The following SMCO4 variants were observed in gnomAD, a reference collection of about 807,000 sequenced individuals.
SMCO4 encodes single-pass membrane and coiled-coil domain-containing protein 4.
A neutral mutation model predicts 3.6 loss-of-function variants in SMCO4; 4 were observed. That is an observed-to-expected ratio of 1.11 (90% CI 0.54 to 2.53). The LOEUF (loss-of-function observed/expected upper bound fraction) is 2.53, where lower values mean the gene tolerates loss of function less well. SMCO4 is among the 30% of genes most tolerant of loss of function. The pLI is 0.02. For synonymous variants in SMCO4, 36 were observed against 35.3 expected (o/e 1.02, Z -0.07); for missense variants, 70 against 80.8 (o/e 0.87, Z 0.51).
intron 1 of SMCO4, among the ~76,000 whole-genome samples, chr11:93,511,327 G>T (rs1381262850): frequency 6.6e-6 from 1 of 152,092 alleles, no homozygotes; most frequent in Non-Finnish European, 1.5e-5. Context: ...GCCAGACGCT[G>T]CCCTAGGGAC....
the SMCO4 span, among the ~76,000 whole-genome samples, chr11:93,552,442 G>GTTGTTATTATTATTA: frequency 1.5e-5 from 2 of 130,246 alleles, no homozygotes; most frequent in African/African-American, 5.8e-5. Context: ...GCCCAGCCAC[G>GTTGTTATTATTATTA]TTATTATTAT....
chr11:93,544,479 A>C (rs1433522370), upstream of SMCO4, among the ~76,000 whole-genome samples: 1 of 151,942 alleles, frequency 6.6e-6, no homozygotes, highest in Non-Finnish European at 1.5e-5. Context: ...TGTGGAACCC[A>C]CTCTTCTGCA....
intron 1 of SMCO4, among the ~76,000 whole-genome samples, chr11:93,540,227 A>T (rs1949260995): frequency 6.6e-6 from 1 of 152,182 alleles, no homozygotes. Context: ...ACTCAATCCC[A>T]TTGACCCAAG....
chr11:93,494,473 C>T (rs146776257), intron 2 of SMCO4, among the ~76,000 whole-genome samples: 10 of 152,288 alleles, frequency 6.6e-5, no homozygotes, highest in African/African-American at 1.7e-4. Flanking sequence ...ACCTCACTGA[C>T]GTTGCACTGT....
chr11:93,479,004 C>A lies in SMCO4; in HGVS notation c.*6G>T. ...TGCCGATGGGGTCCGCAGCCGGCTG[C>A]GGGGCTCACTCGGTGATGGTGGGGC... is the stretch of plus-strand genomic sequence containing the variant. On this transcript the variant is annotated 3_prime_UTR_variant, in exon 3 of 3. Transcript: ENST00000298966. The A allele has an allele frequency of 1.3e-6, 2 of 1,599,560 alleles. No homozygotes were observed. The highest frequency in any genetic ancestry group is 1.3e-5 in the African/African-American group (1 of 74,874).
the SMCO4 span, among the ~76,000 whole-genome samples, chr11:93,552,899 GC>G: frequency 6.6e-6 from 1 of 152,026 alleles, no homozygotes; most frequent in East Asian, 1.9e-4. Context: ...ATTATATACA[GC>G]CTGCTGGGTT....
At chr11:93,544,533 GT>G, upstream of SMCO4, among the ~76,000 whole-genome samples, 1 of 152,266 alleles carries the variant, frequency 6.6e-6, no homozygotes, top group Non-Finnish European at 1.5e-5. Context: ...TAATTAACAA[GT>G]TTTTATTTTA....
At chr11:93,499,985 T>C (rs901764965) in intron 1 of SMCO4, among the ~76,000 whole-genome samples, 8 of 152,316 alleles carry the variant, frequency 5.3e-5, no homozygotes, top group Admixed American at 1.3e-4. Context: ...AAGGAGCTTT[T>C]AGTATGGGTA....
Position 93,514,393 on chromosome 11 carries a change from T to C in SMCO4, c.-153-15045A>G, listed in dbSNP as rs1255292440. ...ATGAGGCTATATATATATATATATA[T>C]ATATATATATATATATATATATATA... On this transcript the variant is annotated intron_variant, in intron 1 of 2. Coordinates refer to ENST00000298966, the MANE Select transcript of SMCO4 (RefSeq NM_020179.3). Among the ~76,000 whole-genome samples, 6 of 35,146 alleles carry C rather than the reference T, an allele frequency of 1.7e-4. 1 individual carries two copies. The highest frequency in any genetic ancestry group is 2.8e-4 in the Non-Finnish European group (5 of 17,662). The allele number at this position is 35,146 out of a possible 152,430, so 23.1% of individuals were successfully genotyped here.
intron 1 of SMCO4, among the ~76,000 whole-genome samples, chr11:93,535,206 T>C (rs1019384564): frequency 2.0e-5 from 3 of 152,154 alleles, no homozygotes; most frequent in African/African-American, 7.2e-5. Context: ...CCTATTACCA[T>C]AACTAGCATC....
chr11:93,513,719 G>T (rs895398674), intron 1 of SMCO4, among the ~76,000 whole-genome samples: 1 of 152,156 alleles, frequency 6.6e-6, no homozygotes, highest in Non-Finnish European at 1.5e-5. Flanking sequence ...GTGACAAAAG[G>T]AATCTTCACT....
chr11:93,485,400 C>T (rs982223262), intron 2 of SMCO4, among the ~76,000 whole-genome samples: 3 of 152,260 alleles, frequency 2.0e-5, no homozygotes, highest in Admixed American at 6.5e-5. Flanking sequence ...GCTGATGGAA[C>T]ATCTATGCTG....
intron 1 of SMCO4, among the ~76,000 whole-genome samples, chr11:93,516,755 A>G (rs781137869): frequency 6.6e-6 from 1 of 151,988 alleles, no homozygotes; most frequent in Non-Finnish European, 1.5e-5. Context: ...GTGCCATTGC[A>G]CTCCAGCCTG....
At chr11:93,522,097 A>G (rs868784301) in intron 1 of SMCO4, among the ~76,000 whole-genome samples, 13 of 58,260 alleles carry the variant, frequency 2.2e-4, no homozygotes, top group Non-Finnish European at 2.8e-4. Flanking sequence ...AAACTTTAAA[A>G]CAAAACAAAA....
At chr11:93,550,825 C>T in the SMCO4 span, among the ~76,000 whole-genome samples, 1 of 152,202 alleles carries the variant, frequency 6.6e-6, no homozygotes, top group East Asian at 1.9e-4. Context: ...TTTTTAAATC[C>T]CAAAGTAAAA....
chr11:93,529,370 G>A (rs940954693), intron 1 of SMCO4, among the ~76,000 whole-genome samples: 4 of 152,276 alleles, frequency 2.6e-5, no homozygotes, highest in South Asian at 4.1e-4. Context: ...GAAACACTAC[G>A]GAAGAGCAGC....
At chr11:93,500,212 T>TA (rs1342890838) in intron 1 of SMCO4, among the ~76,000 whole-genome samples, 2 of 152,248 alleles carry the variant, frequency 1.3e-5, no homozygotes, top group African/African-American at 4.8e-5. Context: ...AGTGCTGAGT[T>TA]CAGCTGGGCT....
chr11:93,527,281 G>A (rs760914289), intron 1 of SMCO4, among the ~76,000 whole-genome samples: 73 of 152,148 alleles, frequency 4.8e-4, no homozygotes, highest in Non-Finnish European at 7.9e-4. Flanking sequence ...ACCTTTCTGA[G>A]TATGTCAGTT....
In SMCO4 at chr11:93,478,720, C is replaced by T. The variant is rs1948549105; in HGVS notation, c.*290G>A. The T allele has an allele frequency of 8.0e-6, 1 of 124,460 alleles. No homozygotes were observed. The highest frequency in any genetic ancestry group is 1.0e-5 in the Non-Finnish European group (1 of 98,144). 7.7% of individuals were successfully genotyped at this position (124,460 alleles called of 1,614,324 possible). A position where few individuals can be genotyped will look rare whatever the true frequency, so the allele number is the denominator to read the frequency against. ...TTTAGGAGAGAAAAAGAAGCACACACACACACACACACACACACACACACA... is the reference window on the plus strand; with the variant it reads ...TTTAGGAGAGAAAAAGAAGCACACATACACACACACACACACACACACACA... On this transcript the variant is annotated 3_prime_UTR_variant, in exon 3 of 3. Transcript: ENST00000298966.
Sources: allele counts gnomAD v4.1 joint callset (sites outside exome capture counted in the v4.1 genomes callset), GRCh38; gene constraint gnomAD v4.1.1; transcripts MANE v1.5; gene names NCBI Gene and HGNC (gene_info 2026-07-23, HGNC 2026-07-21).